LIPI: variants seen among roughly 807,000 people sequenced by gnomAD.
The protein encoded by LIPI is lipase member I.
LIPI carries 59 observed loss-of-function variants against 50.6 expected under a neutral mutation model. The ratio of observed to expected loss-of-function variants is 1.16; its 90% CI spans 0.94 to 1.45. The LOEUF is 1.45. LIPI is among the 40% of genes most tolerant of loss of function. The pLI, the probability that LIPI is intolerant of heterozygous loss-of-function variation, is 0.00. For synonymous variants in LIPI, 203 were observed against 178.2 expected, an observed-to-expected ratio of 1.14 and a Z score of -1.11; for missense variants, 586 against 536.3, an observed-to-expected ratio of 1.09 and a Z score of -0.92.
At position 14,210,886 on chromosome 21, in the gene LIPI, A is replaced by T. The variant is rs1490974186; in HGVS notation, c.-41T>A. The T allele has an allele frequency of 8.4e-7, 1 of 1,194,976 alleles. No individual in the cohort carries two copies. The highest frequency in any genetic ancestry group is 1.1e-6 in the Non-Finnish European group (1 of 948,214). The allele number at this position is 1,194,976 out of a possible 1,614,324, so 74.0% of individuals were successfully genotyped here. A position where few individuals can be genotyped will look rare whatever the true frequency, so the allele number is the denominator to read the frequency against. ...AGCAAAAACAGCACTCAATTCACCA[A>T]AAAGGAAATTCCGTAACTCATTGAG... is the stretch of plus-strand genomic sequence containing the variant. On this transcript the variant is annotated 5_prime_UTR_variant, in exon 1 of 10. The change creates a new upstream start codon in the 5' untranslated region. Coordinates refer to ENST00000681601, the MANE Select transcript of LIPI (RefSeq NM_001302998.2).
At chr21:14,116,032 G>T (rs1414913469) in intron 9 of LIPI, among the ~76,000 whole-genome samples, 1 of 150,724 alleles carries the variant, frequency 6.6e-6, no homozygotes, top group Non-Finnish European at 1.5e-5. Flanking sequence ...GTGTGGGTGT[G>T]TGTGAACCTA....
chr21:14,209,604 T>A (rs565237156), intron 1 of LIPI, among the ~76,000 whole-genome samples: 58 of 152,288 alleles, frequency 3.8e-4, no homozygotes, highest in African/African-American at 1.4e-3. Flanking sequence ...TATTGTATTT[T>A]AATCATCATT....
Position 14,197,684 on chromosome 21 carries a change from T to A in LIPI, c.47-8265A>T, listed in dbSNP as rs73346101. On this transcript the variant is annotated intron_variant, in intron 1 of 9. Transcript: ENST00000681601. ...AGAGATGAGGAGAATAGAACAAAAT[T>A]GGAAAACATATTTCAGGATATCATC... Among the ~76,000 whole-genome samples the A allele has an allele frequency of 7.6e-3, 1,151 of 152,132 alleles. 18 individuals carry two copies. The highest frequency in any genetic ancestry group is 0.025 in the African/African-American group (1,048 of 41,500).
At chr21:14,203,583 G>A (rs1338164069) in intron 1 of LIPI, among the ~76,000 whole-genome samples, 2 of 151,798 alleles carry the variant, frequency 1.3e-5, no homozygotes, top group Non-Finnish European at 2.9e-5. Flanking sequence ...CTATCACAAG[G>A]ACAAAAAACC....
At chr21:14,140,974 G>A (rs1160229529) in intron 9 of LIPI, among the ~76,000 whole-genome samples, 1 of 152,138 alleles carries the variant, frequency 6.6e-6, no homozygotes, top group Non-Finnish European at 1.5e-5. Flanking sequence ...AATGGCTATT[G>A]CTATAACATT....
chr21:14,131,095 C>T (rs2017275921), intron 9 of LIPI, among the ~76,000 whole-genome samples: 3 of 152,064 alleles, frequency 2.0e-5, no homozygotes, highest in South Asian at 2.1e-4. Context: ...GGACTACAGG[C>T]GCCTGCCACC....
Position 14,121,048 on chromosome 21 carries a change from A to G in LIPI, c.1296-11968T>C, listed in dbSNP as rs553571152. ...GCCTCAGGCTGGAGGCTGTCAGTAC[A>G]TATTAGTGTTTGCACCTTTTCAGGG... On this transcript the variant is annotated intron_variant, in intron 9 of 9. Transcript: ENST00000681601. 1.2e-4 allele frequency among the ~76,000 whole-genome samples: 19 copies of G among 152,280 alleles called. 2 individuals carry two copies. The highest frequency in any genetic ancestry group is 1.2e-3 in the South Asian group (6 of 4,830).
At chr21:14,188,955 G>T (rs2019549351) in intron 2 of LIPI, 79 bp downstream of exon 2, 1 of 1,176,376 alleles carries the variant, frequency 8.5e-7, no homozygotes, top group Non-Finnish European at 1.3e-6. Flanking sequence ...TTGTGGTATT[G>T]AATGTAACAC....
intron 5 of LIPI, 134 bp from the exon 6 acceptor site, chr21:14,165,524 T>C: frequency 9.4e-6 from 6 of 639,192 alleles, no homozygotes; most frequent in Non-Finnish European, 8.1e-6. Flanking sequence ...AATACACAGT[T>C]TTATGTCAAA....
chr21:14,199,874 T>C (rs766760707), intron 1 of LIPI, among the ~76,000 whole-genome samples: 19 of 152,042 alleles, frequency 1.2e-4, no homozygotes, highest in Non-Finnish European at 2.4e-4. Context: ...GAAAACTGAA[T>C]CCAGTAGCAC....
chr21:14,110,216 A>G (rs1321593275), intron 9 of LIPI, among the ~76,000 whole-genome samples: 1 of 151,850 alleles, frequency 6.6e-6, no homozygotes, highest in African/African-American at 2.4e-5. Context: ...AAGTACAAAA[A>G]ATATATAAGC....
At chr21:14,160,835 C>G (rs1274119097) in intron 7 of LIPI, among the ~76,000 whole-genome samples, 1 of 151,020 alleles carries the variant, frequency 6.6e-6, no homozygotes, top group African/African-American at 2.4e-5. Context: ...CCAAAAGACA[C>G]GAATACACAT....
chr21:14,125,818 G>C (rs1402627931), intron 9 of LIPI, among the ~76,000 whole-genome samples: 1 of 152,106 alleles, frequency 6.6e-6, no homozygotes, highest in Non-Finnish European at 1.5e-5. Context: ...GCCTCCCAAA[G>C]TGCTGGGTTA....
chr21:14,146,441 T>C (rs751934068), intron 8 of LIPI, among the ~76,000 whole-genome samples: 2 of 152,202 alleles, frequency 1.3e-5, no homozygotes, highest in South Asian at 2.1e-4. Context: ...TATATTGACT[T>C]TACCTCTGAA....
At chr21:14,131,866 A>C (rs1048369016) in intron 9 of LIPI, among the ~76,000 whole-genome samples, 22 of 152,170 alleles carry the variant, frequency 1.4e-4, no homozygotes, top group Non-Finnish European at 2.9e-4. Flanking sequence ...TTCTTGAAAG[A>C]AAAAAAGCAT....
chr21:14,123,079 A>G (rs1415844885), intron 9 of LIPI, among the ~76,000 whole-genome samples: 1 of 152,216 alleles, frequency 6.6e-6, no homozygotes. Context: ...GAGGCTAGAA[A>G]ACTAATGCCA....
chr21:14,209,150 A>G (rs1003746755), intron 1 of LIPI, among the ~76,000 whole-genome samples: 1 of 152,194 alleles, frequency 6.6e-6, no homozygotes, highest in Non-Finnish European at 1.5e-5. Context: ...CTAAGAATAA[A>G]TATGCATATA....
At chr21:14,118,031 T>G (rs1007198796) in intron 9 of LIPI, among the ~76,000 whole-genome samples, 1 of 151,066 alleles carries the variant, frequency 6.6e-6, no homozygotes, top group African/African-American at 2.4e-5. Context: ...TAGAGAGAGA[T>G]CAATGTGTGA....
intron 9 of LIPI, among the ~76,000 whole-genome samples, chr21:14,133,748 A>T (rs1203325823): frequency 4.6e-5 from 7 of 152,140 alleles, no homozygotes; most frequent in Admixed American, 6.6e-5. Context: ...CACCAAAAAA[A>T]CTCTTAAATT....
Sources: gnomAD v4.1 joint callset for allele counts (sites outside exome capture counted in the v4.1 genomes callset) on GRCh38, gnomAD v4.1.1 for gene constraint, MANE v1.5 for transcripts, NCBI Gene and HGNC (gene_info 2026-07-23, HGNC 2026-07-21) for gene names.